The following KCNH8 variants were observed in gnomAD, a reference collection of about 807,000 sequenced individuals.
KCNH8 encodes the protein potassium voltage-gated channel subfamily H member 8.
A neutral mutation model predicts 103.6 loss-of-function variants in KCNH8; 70 were observed. The observed-to-expected ratio is 0.68, with a 90% CI of 0.56 to 0.82. The LOEUF (loss-of-function observed/expected upper bound fraction) is 0.82. Among genes scored for constraint, KCNH8 ranks in the 40% least tolerant of loss-of-function variants. KCNH8 has a pLI of 0.00. For missense variants in KCNH8, 1,217 were observed against 1,329.9 expected (o/e 0.92, Z 1.32); for synonymous variants, 498 against 489.4 (o/e 1.02, Z -0.23).
At chr3:19,526,385 G>T (rs1218969794) in intron 15 of KCNH8, among the ~76,000 whole-genome samples, 3 of 151,948 alleles carry the variant, frequency 2.0e-5, no homozygotes, top group Admixed American at 6.6e-5. Context: ...CAATAGCCAA[G>T]ATGGAGAAAT....
intron 2 of KCNH8, among the ~76,000 whole-genome samples, chr3:19,257,529 A>G (rs2125255745): frequency 6.6e-6 from 1 of 152,196 alleles, no homozygotes; most frequent in East Asian, 1.9e-4. Flanking sequence ...CTTCTCTGAT[A>G]GCATGAAAGA....
intron 5 of KCNH8, among the ~76,000 whole-genome samples, chr3:19,349,652 G>A (rs934021629): frequency 2.0e-5 from 3 of 152,010 alleles, no homozygotes; most frequent in Non-Finnish European, 4.4e-5. Context: ...AGCCACTTCT[G>A]TTACCACATG....
rs745652181 is a variant in KCNH8 at position 19,513,045 on chromosome 3, G to T, written c.2155G>T (p.Gly719Trp). 1.2e-6 allele frequency: 2 copies of T among 1,613,616 alleles called. No individual in the cohort carries two copies. Among genetic ancestry groups the T allele is most frequent in the African/African-American group, 1.3e-5 (1 of 75,004 alleles). The change falls in exon 13 of 16, where the codon GGG becomes TGG. Residue 719 changes from glycine to tryptophan, a missense_variant. Transcript: ENST00000328405. Reference protein sequence around the residue: ...IVEDEEEEEEGEEEEAVSLSP... With the variant: ...IVEDEEEEEEWEEEEAVSLSP... The stretch of plus-strand genomic sequence containing the variant: ...GGAAGATGAGGAAGAGGAGGAGGAG[G>T]GGGAGGAAGAGGAGGCAGTCTCCCT...
At chr3:19,220,831 G>A (rs187558197) in intron 1 of KCNH8, among the ~76,000 whole-genome samples, 5 of 151,664 alleles carry the variant, frequency 3.3e-5, no homozygotes, top group Admixed American at 3.3e-4. Context: ...AAAAGAAAAT[G>A]CTAGGCATGT....
chr3:19,492,410 A>G (rs1008723562), intron 11 of KCNH8, among the ~76,000 whole-genome samples: 10 of 152,322 alleles, frequency 6.6e-5, no homozygotes, highest in African/African-American at 2.4e-4. Context: ...CAGTTATCCC[A>G]GCACCGTTTA....
chr3:19,192,326 T>G (rs890772220), intron 1 of KCNH8, among the ~76,000 whole-genome samples: 1 of 151,636 alleles, frequency 6.6e-6, no homozygotes, highest in Non-Finnish European at 1.5e-5. Context: ...TTTTTTGAGG[T>G]AGCAAACATA....
chr3:19,262,826 T>TA (rs2078845140), intron 2 of KCNH8, among the ~76,000 whole-genome samples: 1 of 151,982 alleles, frequency 6.6e-6, no homozygotes, highest in African/African-American at 2.4e-5. Flanking sequence ...TCACACAAAA[T>TA]AAAAAGATAG....
intron 11 of KCNH8, among the ~76,000 whole-genome samples, chr3:19,472,980 T>C (rs1258820765): frequency 6.6e-6 from 1 of 152,232 alleles, no homozygotes; most frequent in East Asian, 1.9e-4. Context: ...TATATTACCT[T>C]ATTTAATTTA....
intron 2 of KCNH8, among the ~76,000 whole-genome samples, chr3:19,256,142 A>G (rs887530859): frequency 2.6e-5 from 4 of 152,132 alleles, no homozygotes; most frequent in Non-Finnish European, 5.9e-5. Context: ...CCTGGCTTCT[A>G]TATCTTACTC....
chr3:19,473,029 T>C (rs1559344230), intron 11 of KCNH8, among the ~76,000 whole-genome samples: 1 of 152,210 alleles, frequency 6.6e-6, no homozygotes. Context: ...GTTCGGATTA[T>C]TTTTTGGCTT....
At chr3:19,477,160 CTATT>C (rs1400160536) in intron 11 of KCNH8, among the ~76,000 whole-genome samples, 1 of 152,126 alleles carries the variant, frequency 6.6e-6, no homozygotes, top group South Asian at 2.1e-4. Flanking sequence ...AGTATATGGC[CTATT>C]TATTAAGACA....
At chr3:19,224,352 T>A (rs2063906569) in intron 1 of KCNH8, among the ~76,000 whole-genome samples, 1 of 152,116 alleles carries the variant, frequency 6.6e-6, no homozygotes, top group African/African-American at 2.4e-5. Context: ...ATGAAGCCTG[T>A]GGGAAATTAG....
At chr3:19,397,474 C>CA (rs1201661031) in intron 7 of KCNH8, among the ~76,000 whole-genome samples, 2 of 151,090 alleles carry the variant, frequency 1.3e-5, no homozygotes, top group East Asian at 3.9e-4. Flanking sequence ...AAACAAACCC[C>CA]AAAATGTGCT....
intron 5 of KCNH8, among the ~76,000 whole-genome samples, chr3:19,376,444 T>G (rs9859268): frequency 0.1 from 15,199 of 152,160 alleles, 875 homozygotes; most frequent in East Asian, 0.17. Flanking sequence ...GCAATGCCTC[T>G]CCCTGCTTCG....
At chr3:19,336,311 A>G (rs191413926) in intron 3 of KCNH8, among the ~76,000 whole-genome samples, 39 of 151,870 alleles carry the variant, frequency 2.6e-4, no homozygotes, top group African/African-American at 9.1e-4. Context: ...TTCTCTTAAT[A>G]TAAAAAATTA....
intron 11 of KCNH8, among the ~76,000 whole-genome samples, chr3:19,466,393 G>C (rs560957042): frequency 7.3e-4 from 111 of 152,280 alleles, no homozygotes; most frequent in African/African-American, 2.5e-3. Context: ...AATTTCAAAA[G>C]AAGTTCTACT....
chr3:19,151,459 A>C, intron 1 of KCNH8, among the ~76,000 whole-genome samples: 1 of 152,068 alleles, frequency 6.6e-6, no homozygotes. Context: ...TTTATGAAAA[A>C]AAAATTAGAG....
In KCNH8 at chr3:19,438,230, C is replaced by T; in HGVS notation, c.1244C>T (p.Pro415Leu). 3 of 1,614,048 alleles carry T rather than the reference C, an allele frequency of 1.9e-6. No individual in the cohort carries two copies. Among genetic ancestry groups the T allele is most frequent in the Non-Finnish European group, 2.5e-6 (3 of 1,180,014 alleles). Residue 415 changes from proline to leucine, a missense_variant, in exon 8 of 16, where the codon CCG (proline) becomes CTG (leucine). This residue lies in a region of KCNH8 where 415 missense variants were observed against 577.4 expected (regional missense o/e 0.72). Transcript: ENST00000328405. ...PYYGNNTLGG[P>L]SIRSAYIAAL... ...TATGGCAACAATACCTTGGGGGGCC[C>T]GTCGATCCGAAGTGCCTATATTGCC...
At chr3:19,388,075 G>T (rs1352810236) in intron 5 of KCNH8, among the ~76,000 whole-genome samples, 1 of 151,928 alleles carries the variant, frequency 6.6e-6, no homozygotes, top group Non-Finnish European at 1.5e-5. Flanking sequence ...TGGGAGTGCT[G>T]CTGGAATGTA....
Sources: gnomAD v4.1 joint callset for allele counts (sites outside exome capture counted in the v4.1 genomes callset) on GRCh38, gnomAD v4.1.1 for gene constraint, gnomAD v4.1.1 regional missense constraint, MANE v1.5 for transcripts, NCBI Gene and HGNC (gene_info 2026-07-23, HGNC 2026-07-21) for gene names.